SPECC1: variants seen among roughly 807,000 people sequenced by gnomAD.
The protein encoded by SPECC1 is sperm antigen with calponin homology and coiled-coil domains 1, also known as cytospin-B.
In SPECC1, 62 loss-of-function variants were observed where a neutral mutation model predicts 104.1. The ratio of observed to expected loss-of-function variants is 0.60; its 90% CI spans 0.49 to 0.74. The LOEUF (loss-of-function observed/expected upper bound fraction) is 0.74, where lower values mean the gene tolerates loss of function less well. SPECC1 is among the 30% of genes least tolerant of loss of function. The probability of loss-of-function intolerance (pLI) is 0.00; values close to 1 mark genes in which losing one functional copy is unlikely to be tolerated. For missense variants in SPECC1, 1,306 were observed against 1,310.5 expected (o/e 1.00, Z 0.05); for synonymous variants, 513 against 501.6 (o/e 1.02, Z -0.30).
rs75118637 is a variant in SPECC1 at position 20,134,186 on chromosome 17, A to G, written c.283+23624A>G. ...TATATATAATAAAGCCACACCTCCAATTTCAATCCAACCACTCAGGGTTCT... is the reference window on the plus strand; with the variant it reads ...TATATATAATAAAGCCACACCTCCAGTTTCAATCCAACCACTCAGGGTTCT... On this transcript the variant is annotated intron_variant, in intron 3 of 14. Coordinates refer to ENST00000395527, the MANE Select transcript of SPECC1 (RefSeq NM_001243439.2). Among the ~76,000 whole-genome samples, 104 of 151,808 alleles carry G rather than the reference A, an allele frequency of 6.9e-4. No homozygotes were observed. The East Asian group carries it at 0.017, about 25-fold the overall frequency.
intron 4 of SPECC1, among the ~76,000 whole-genome samples, chr17:20,211,007 G>C (rs2037111768): frequency 6.6e-6 from 1 of 152,212 alleles, no homozygotes; most frequent in Admixed American, 6.5e-5. Flanking sequence ...CAGCTCTGCG[G>C]GGCCCTGTCC....
rs900778046 is a variant in SPECC1 at position 20,232,296 on chromosome 17, A to G, written c.2242A>G (p.Thr748Ala). ...GTGTGAGGCCCAGCAGGAGCTGCGC[A>G]CCGTGAAGAGGAAACTGCTGGAGGA... Reference protein sequence around the residue: ...IKCEAQQELRTVKRKLLEEEE... With the variant: ...IKCEAQQELRAVKRKLLEEEE... The change falls in exon 7 of 15, where the codon ACC becomes GCC. Residue 748 changes from threonine to alanine, a missense_variant. Thr to Ala is a moderately conservative substitution (Grantham distance 58, BLOSUM62 0). Transcript: ENST00000395527. 2 of 1,614,146 alleles carry G rather than the reference A, an allele frequency of 1.2e-6. No individual in the cohort carries two copies. The highest frequency in any genetic ancestry group is 1.7e-6 in the Non-Finnish European group (2 of 1,180,018).
chr17:20,292,462 C>T (rs537076989), intron 12 of SPECC1, among the ~76,000 whole-genome samples: 18 of 152,140 alleles, frequency 1.2e-4, no homozygotes, highest in African/African-American at 4.1e-4. Context: ...TCCTGAGTAG[C>T]GGGGATTACA....
intron 3 of SPECC1, among the ~76,000 whole-genome samples, chr17:20,115,203 G>A (rs1262765233): frequency 3.3e-5 from 5 of 152,150 alleles, no homozygotes; most frequent in Non-Finnish European, 5.9e-5. Context: ...AGCCGGGCAC[G>A]GTGGCTCACA....
chr17:20,149,093 TG>T (rs1226433544), intron 3 of SPECC1, among the ~76,000 whole-genome samples: 1 of 152,226 alleles, frequency 6.6e-6, no homozygotes, highest in African/African-American at 2.4e-5. Flanking sequence ...CTTTAGAGAC[TG>T]CATAGGAAGC....
chr17:20,237,315 GTTTT>G (rs10713362), intron 7 of SPECC1: 91 of 910,136 alleles, frequency 1.0e-4, no homozygotes, highest in East Asian at 1.9e-4. Flanking sequence ...GTTTTGTTTT[GTTTT>G]TTTTTTTTTT....
chr17:20,204,963 A>G lies in SPECC1; in HGVS notation c.914A>G (p.His305Arg), dbSNP rs200092921. The change falls in exon 4 of 15, where the codon CAT (histidine) becomes CGT (arginine). Residue 305 changes from histidine (H) to arginine (R), a missense_variant. His to Arg is a conservative substitution (Grantham distance 29). Coordinates refer to ENST00000395527, the MANE Select transcript of SPECC1 (RefSeq NM_001243439.2). ...ATTGATGAGTATAAAAAAAACATAC[A>G]TGGAAATGCATTACGGACATCAGGC... Reference protein sequence around the residue: ...SDIDEYKKNIHGNALRTSGSS... With the variant: ...SDIDEYKKNIRGNALRTSGSS... The G allele has an allele frequency of 1.0e-4, 167 of 1,614,154 alleles. 1 individual carries two copies. The Admixed American group carries it at 1.2e-3, about 11-fold the overall frequency.
At chr17:20,037,413 A>G (rs1314725642) in intron 1 of SPECC1, among the ~76,000 whole-genome samples, 1 of 151,722 alleles carries the variant, frequency 6.6e-6, no homozygotes, top group African/African-American at 2.4e-5. Context: ...AGCCTCCCAA[A>G]GTGCTGAGAT....
At chr17:20,038,403 C>CTTTTTTTTTTTTTTTTT in intron 1 of SPECC1, among the ~76,000 whole-genome samples, 1 of 99,350 alleles carries the variant, frequency 1.0e-5, no homozygotes, top group Non-Finnish European at 2.0e-5. Flanking sequence ...TTTTGATATT[C>CTTTTTTTTTTTTTTTTT]TTTTTTTTTT....
intron 3 of SPECC1, among the ~76,000 whole-genome samples, chr17:20,197,673 C>A (rs1378933704): frequency 6.6e-6 from 1 of 152,176 alleles, no homozygotes; most frequent in Non-Finnish European, 1.5e-5. Context: ...GTCAAGCTCC[C>A]AAGGACATAA....
intron 1 of SPECC1, among the ~76,000 whole-genome samples, chr17:20,024,376 C>T (rs1206818933): frequency 1.3e-5 from 2 of 152,328 alleles, no homozygotes; most frequent in African/African-American, 4.8e-5. Context: ...TTTTTCTCTT[C>T]TCTTCTAGTC....
intron 5 of SPECC1, among the ~76,000 whole-genome samples, chr17:20,229,873 AGCAAT>A (rs976127213): frequency 9.2e-5 from 14 of 152,310 alleles, no homozygotes; most frequent in African/African-American, 3.1e-4. Context: ...TGAAAACCAA[AGCAAT>A]ATTTGTTCAC....
chr17:20,295,767 C>G (rs1324156563), intron 12 of SPECC1, among the ~76,000 whole-genome samples: 1 of 152,192 alleles, frequency 6.6e-6, no homozygotes, highest in Non-Finnish European at 1.5e-5. Flanking sequence ...TCTCTGATGG[C>G]CAGTGATGAT....
intron 1 of SPECC1, among the ~76,000 whole-genome samples, chr17:20,066,368 G>A (rs558270924): frequency 6.6e-6 from 1 of 152,188 alleles, no homozygotes; most frequent in South Asian, 2.1e-4. Context: ...TTTGATTTTT[G>A]GCTAGCATTT....
chr17:20,211,321 A>T (rs1214265727), intron 4 of SPECC1, among the ~76,000 whole-genome samples: 1 of 152,228 alleles, frequency 6.6e-6, no homozygotes, highest in African/African-American at 2.4e-5. Context: ...TCATGCTGGG[A>T]AGGAGGCCTG....
intron 3 of SPECC1, among the ~76,000 whole-genome samples, chr17:20,145,600 A>C (rs72830158): frequency 4.3e-4 from 65 of 152,328 alleles, no homozygotes; most frequent in Non-Finnish European, 9.0e-4. Flanking sequence ...AACTTTCCCC[A>C]GCCTTCCTCC....
At chr17:20,267,702 T>C (rs899609452) in intron 12 of SPECC1, among the ~76,000 whole-genome samples, 1 of 152,150 alleles carries the variant, frequency 6.6e-6, no homozygotes, top group Non-Finnish European at 1.5e-5. Flanking sequence ...AGGGACTTTC[T>C]AGCACTAAAG....
chr17:20,204,309 T>G, intron 3 of SPECC1, 24 bp from the exon 4 acceptor site: 1 of 1,579,876 alleles, frequency 6.3e-7, no homozygotes, highest in South Asian at 1.2e-5. Flanking sequence ...TATTTTTTCA[T>G]TTTTTTCTTC....
chr17:20,039,306 T>G (rs2045225480), intron 1 of SPECC1, among the ~76,000 whole-genome samples: 1 of 152,220 alleles, frequency 6.6e-6, no homozygotes, highest in African/African-American at 2.4e-5. Context: ...AACTCCATGC[T>G]GATTTTTTTG....
Sources: allele counts gnomAD v4.1 joint callset (sites outside exome capture counted in the v4.1 genomes callset), GRCh38; gene constraint gnomAD v4.1.1; transcripts MANE v1.5; gene names NCBI Gene and HGNC (gene_info 2026-07-23, HGNC 2026-07-21).